The following SLC30A8 variants were observed in gnomAD, a reference collection of about 807,000 sequenced individuals.
SLC30A8 encodes the protein proton-coupled zinc antiporter SLC30A8.
SLC30A8 carries 27 observed loss-of-function variants against 36.9 expected under a neutral mutation model. The ratio of observed to expected loss-of-function variants is 0.73; its 90% CI spans 0.54 to 1.01. The LOEUF is 1.01. SLC30A8 is among the 50% of genes least tolerant of loss of function. The pLI is 0.00. For synonymous variants in SLC30A8, 164 were observed against 172.4 expected, an observed-to-expected ratio of 0.95 and a Z score of 0.38; for missense variants, 439 against 452.0, an observed-to-expected ratio of 0.97 and a Z score of 0.26.
In SLC30A8 at chr8:117,153,007, C is replaced by G. The variant is rs1206619667; in HGVS notation, c.335C>G (p.Thr112Ser). Residue 112 changes from threonine (T) to serine (S), a missense_variant, in exon 3 of 8, where the codon ACC becomes AGC. Coordinates refer to ENST00000456015, the MANE Select transcript of SLC30A8 (RefSeq NM_173851.3). ...GCTGCCCACCTCTTAATTGACCTGA[C>G]CAGTTTCCTGCTCAGTCTCTTCTCC... is the stretch of plus-strand genomic sequence containing the variant. ...TDAAHLLIDL[T>S]SFLLSLFSLW... The G allele has an allele frequency of 1.9e-6, 3 of 1,613,574 alleles. No individual in the cohort carries two copies. Among genetic ancestry groups the G allele is most frequent in the Non-Finnish European group, 2.5e-6 (3 of 1,179,598 alleles).
intron 1 of SLC30A8, among the ~76,000 whole-genome samples, chr8:117,142,521 T>C (rs544570315): frequency 6.6e-6 from 1 of 152,276 alleles, no homozygotes; most frequent in East Asian, 1.9e-4. Context: ...TTTTGACCTC[T>C]TTATATTTCA....
chr8:117,172,791 G>A lies in SLC30A8; in HGVS notation c.*110G>A. On this transcript the variant is annotated 3_prime_UTR_variant, in exon 8 of 8. Coordinates refer to ENST00000456015, the MANE Select transcript of SLC30A8 (RefSeq NM_173851.3). ...AACCAAAGGAAGAAATTCATGTCAT[G>A]GTGCAATGCACATTTTATCTATTTA... 8.0e-7 allele frequency: 1 copy of A among 1,251,484 alleles called. No homozygotes were observed. Among genetic ancestry groups the A allele is most frequent in the Admixed American group, 2.1e-5 (1 of 47,322 alleles). 77.5% of individuals were successfully genotyped at this position (1,251,484 alleles called of 1,614,324 possible). A position where few individuals can be genotyped will look rare whatever the true frequency, so the allele number is the denominator to read the frequency against.
chr8:116,999,810 A>G (rs1392706586), intron 1 of SLC30A8, among the ~76,000 whole-genome samples: 1 of 151,604 alleles, frequency 6.6e-6, no homozygotes, highest in Non-Finnish European at 1.5e-5. Flanking sequence ...TCACATTTAT[A>G]AGGAAAAGAA....
chr8:117,161,268 C>T (rs1458035050), intron 4 of SLC30A8, among the ~76,000 whole-genome samples: 2 of 152,124 alleles, frequency 1.3e-5, no homozygotes, highest in Non-Finnish European at 2.9e-5. Context: ...TAAAATAAAA[C>T]CTCAATAAAA....
intron 5 of SLC30A8, among the ~76,000 whole-genome samples, chr8:117,162,246 C>G (rs1586609013): frequency 6.6e-6 from 1 of 152,230 alleles, no homozygotes; most frequent in East Asian, 1.9e-4. Context: ...TCCCAGACAC[C>G]ACACTGAAAT....
chr8:116,950,818 G>GT (rs972967054), upstream of SLC30A8: 1 of 152,134 alleles, frequency 6.6e-6, no homozygotes, highest in African/African-American at 2.4e-5. Context: ...GGACTTTACG[G>GT]TTTACAGTTT....
intron 1 of SLC30A8, among the ~76,000 whole-genome samples, chr8:116,958,061 C>T (rs530129106): frequency 6.6e-6 from 1 of 152,204 alleles, no homozygotes; most frequent in Non-Finnish European, 1.5e-5. Flanking sequence ...TTCCATGATT[C>T]TAATGTGCCT....
At chr8:117,073,892 A>T (rs1038300459) in intron 2 of SLC30A8, among the ~76,000 whole-genome samples, 2 of 152,026 alleles carry the variant, frequency 1.3e-5, no homozygotes, top group African/African-American at 2.4e-5. Context: ...CATAGGGTTG[A>T]TACGTGGGAC....
intron 1 of SLC30A8, among the ~76,000 whole-genome samples, chr8:117,014,114 G>A (rs765957498): frequency 1.3e-5 from 2 of 152,132 alleles, no homozygotes; most frequent in African/African-American, 4.8e-5. Context: ...TGGCAAAACC[G>A]CAATTACTTT....
chr8:117,035,731 GT>G (rs1817192781), intron 1 of SLC30A8, among the ~76,000 whole-genome samples: 2 of 152,232 alleles, frequency 1.3e-5, no homozygotes, highest in African/African-American at 4.8e-5. Context: ...ACATCCAGGT[GT>G]TTCCATACAT....
chr8:116,998,614 G>T (rs1348601461), intron 1 of SLC30A8, among the ~76,000 whole-genome samples: 1 of 152,136 alleles, frequency 6.6e-6, no homozygotes, highest in Non-Finnish European at 1.5e-5. Context: ...TTGTAGATTT[G>T]CATATGTAAT....
intron 2 of SLC30A8, among the ~76,000 whole-genome samples, chr8:117,112,650 G>A (rs1368399124): frequency 2.6e-5 from 4 of 152,064 alleles, no homozygotes; most frequent in African/African-American, 4.8e-5. Flanking sequence ...GGAAGACAAT[G>A]TCTTCAAAGC....
intron 1 of SLC30A8, among the ~76,000 whole-genome samples, chr8:117,140,595 A>C (rs1821608647): frequency 6.6e-6 from 1 of 152,112 alleles, no homozygotes; most frequent in African/African-American, 2.4e-5. Flanking sequence ...GTGAGATGAC[A>C]TTTAAAGCTG....
chr8:117,108,440 C>T (rs1820088873), intron 2 of SLC30A8, among the ~76,000 whole-genome samples: 2 of 152,176 alleles, frequency 1.3e-5, no homozygotes, highest in South Asian at 4.1e-4. Flanking sequence ...GAAATGGCTC[C>T]AAAGAGTGAC....
intron 1 of SLC30A8, among the ~76,000 whole-genome samples, chr8:117,028,956 A>G (rs1212782930): frequency 6.6e-6 from 1 of 152,144 alleles, no homozygotes; most frequent in Non-Finnish European, 1.5e-5. Context: ...ATGAGCAAAT[A>G]ATGTCAACAA....
At chr8:117,094,556 T>G (rs907334631) in intron 2 of SLC30A8, among the ~76,000 whole-genome samples, 6 of 152,190 alleles carry the variant, frequency 3.9e-5, no homozygotes, top group African/African-American at 1.4e-4. Context: ...TGAGTCTGGC[T>G]GAGTTGGAGC....
intron 1 of SLC30A8, among the ~76,000 whole-genome samples, chr8:116,989,985 A>G (rs1471629825): frequency 6.6e-6 from 1 of 152,228 alleles, no homozygotes; most frequent in Admixed American, 6.5e-5. Context: ...GAGACAGAAG[A>G]TGGGAATAGC....
Position 117,097,626 on chromosome 8 carries a change from TTATATATAATATATAATTTTAAATAA to T in SLC30A8, c.-225-37620_-225-37595del, listed in dbSNP as rs1437323173. ...AATATATAATTTTAAATAATATATA[TTATATATAATATATAATTTTAAATAA>T]TATATATAATATATAATTTTAAATA... On this transcript the variant is annotated intron_variant, in intron 2 of 10. Coordinates refer to the SLC30A8 transcript ENST00000427715. Among the ~76,000 whole-genome samples the T allele has an allele frequency of 9.0e-4, 87 of 96,824 alleles. 20 individuals carry two copies. Among genetic ancestry groups the T allele is most frequent in the African/African-American group, 1.1e-3 (24 of 22,220 alleles). The allele number at this position is 96,824 out of a possible 152,430, so 63.5% of individuals were successfully genotyped here.
intron 7 of SLC30A8, among the ~76,000 whole-genome samples, chr8:117,172,184 C>A (rs975636721): frequency 2.0e-5 from 3 of 152,072 alleles, no homozygotes; most frequent in Non-Finnish European, 4.4e-5. Flanking sequence ...GCCTGCAACC[C>A]AGAGATCCCT....
Sources: allele counts gnomAD v4.1 joint callset (sites outside exome capture counted in the v4.1 genomes callset), GRCh38; gene constraint gnomAD v4.1.1; transcripts MANE v1.5; gene names NCBI Gene and HGNC (gene_info 2026-07-23, HGNC 2026-07-21).